Variants in CCDC25 observed in about 807,000 individuals in gnomAD.
CCDC25 encodes coiled-coil domain-containing protein 25.
A neutral mutation model predicts 35.3 loss-of-function variants in CCDC25; 16 were observed. That is an observed-to-expected ratio of 0.45 (90% CI 0.31 to 0.69). The LOEUF (loss-of-function observed/expected upper bound fraction) is 0.69, where lower values mean the gene tolerates loss of function less well. Ranked by LOEUF, CCDC25 falls within the 30% of genes least tolerant of loss-of-function variation. The pLI is 0.06. For synonymous variants in CCDC25, 79 were observed against 80.3 expected, an observed-to-expected ratio of 0.98 and a Z score of 0.09; for missense variants, 179 against 250.7, an observed-to-expected ratio of 0.71 and a Z score of 1.93.
intron 8 of CCDC25, 148 bp from the exon 9 acceptor site, chr8:27,736,393 G>A (rs1014186891): frequency 1.9e-5 from 12 of 646,918 alleles, no homozygotes; most frequent in East Asian, 8.5e-5. Context: ...TCACTTCTCC[G>A]CCTTAAGTTG....
chr8:27,765,068 G>A, intron 2 of CCDC25, 136 bp downstream of exon 2: 1 of 739,862 alleles, frequency 1.4e-6, no homozygotes, highest in South Asian at 1.7e-5. Flanking sequence ...AGCTTGTTCT[G>A]TTTCTCAAAA....
Position 27,755,693 on chromosome 8 carries a change from G to A in CCDC25, c.168+1026C>T, listed in dbSNP as rs188831455. Among the ~76,000 whole-genome samples, 417 of 152,260 alleles carry A rather than the reference G, an allele frequency of 2.7e-3. 3 individuals carry two copies. Among genetic ancestry groups the A allele is most frequent in the Non-Finnish European group, 4.7e-3 (323 of 68,018 alleles). On this transcript the variant is annotated intron_variant, in intron 4 of 8. Coordinates refer to ENST00000356537, the MANE Select transcript of CCDC25 (RefSeq NM_018246.3). ...TCAATGATAAGTCACGGTAATACAC[G>A]CACCCGATATGCTGTGACGAGACAG...
rs754907988 is a variant in CCDC25, at chr8:27,756,684, A to T, written c.168+35T>A. ...GAACAAGATATGATGCATCATCAGG[A>T]GAAAAGTCAAGAATCCATGTTTAAA... On this transcript the variant is annotated intron_variant, in intron 4 of 8. Transcript: ENST00000356537. The T allele has an allele frequency of 5.5e-6, 8 of 1,455,314 alleles. No homozygotes were observed. The African/African-American group carries it at 7.0e-5, about 13-fold the overall frequency. The allele number at this position is 1,455,314 out of a possible 1,614,324, so 90.2% of individuals were successfully genotyped here.
At chr8:27,758,687 T>C (rs1347144824) in intron 3 of CCDC25, among the ~76,000 whole-genome samples, 1 of 152,214 alleles carries the variant, frequency 6.6e-6, no homozygotes, top group African/African-American at 2.4e-5. Context: ...ATTCCAACTT[T>C]TATTTGCCTT....
intron 1 of CCDC25, chr8:27,771,878 G>A (rs1477770007): frequency 6.6e-6 from 1 of 152,288 alleles, no homozygotes; most frequent in Non-Finnish European, 1.5e-5. Flanking sequence ...ACGAAACCAA[G>A]TCGGGACACT....
At chr8:27,742,184 T>G (rs1803462427) in intron 7 of CCDC25, among the ~76,000 whole-genome samples, 1 of 152,190 alleles carries the variant, frequency 6.6e-6, no homozygotes, top group South Asian at 2.1e-4. Context: ...ATATGAACTG[T>G]AGAAACTGAA....
chr8:27,759,892 A>G (rs1201389120), intron 3 of CCDC25, among the ~76,000 whole-genome samples: 1 of 152,122 alleles, frequency 6.6e-6, no homozygotes, highest in Non-Finnish European at 1.5e-5. Context: ...AGATGCTGAC[A>G]TTCACAGAGG....
intron 3 of CCDC25, among the ~76,000 whole-genome samples, chr8:27,757,618 T>C (rs1585364082): frequency 6.6e-6 from 1 of 152,228 alleles, no homozygotes; most frequent in Non-Finnish European, 1.5e-5. Flanking sequence ...ATTTTCATGT[T>C]TTCAATTCAC....
intron 7 of CCDC25, among the ~76,000 whole-genome samples, chr8:27,745,171 A>AT (rs1394223654): frequency 2.6e-5 from 4 of 151,874 alleles, no homozygotes; most frequent in Non-Finnish European, 4.4e-5. Flanking sequence ...TAGTTATTTG[A>AT]TTTTTTGTAG....
Position 27,768,527 on chromosome 8 carries a change from T to G in CCDC25, c.29-3276A>C, listed in dbSNP as rs1418669502. The stretch of plus-strand genomic sequence containing the variant: ...TCGCAGTGAGTCGAGATCATGCCAC[T>G]GCACTCCAGCCTGGGAGACAGAGCA... On this transcript the variant is annotated intron_variant, in intron 1 of 8. Transcript: ENST00000356537. 3.5e-5 allele frequency among the ~76,000 whole-genome samples: 5 copies of G among 141,022 alleles called. No individual in the cohort carries two copies. In the Admixed American group the frequency reaches 3.8e-4, roughly 11 times the overall value. 92.5% of individuals were successfully genotyped at this position (141,022 alleles called of 152,430 possible).
chr8:27,758,327 G>C (rs149355221), intron 3 of CCDC25, among the ~76,000 whole-genome samples: 1 of 152,260 alleles, frequency 6.6e-6, no homozygotes, highest in East Asian at 1.9e-4. Context: ...ATATAAAAGT[G>C]CCCTCTTTAA....
At chr8:27,763,068 T>C (rs1020762014) in intron 2 of CCDC25, among the ~76,000 whole-genome samples, 3 of 152,192 alleles carry the variant, frequency 2.0e-5, no homozygotes, top group Non-Finnish European at 4.4e-5. Flanking sequence ...ATTCTATTAC[T>C]ACTTGACTTT....
intron 7 of CCDC25, among the ~76,000 whole-genome samples, chr8:27,743,179 G>A (rs113417092): frequency 3.3e-5 from 5 of 152,166 alleles, no homozygotes; most frequent in African/African-American, 1.2e-4. Context: ...AAATCCTAAT[G>A]TTTTACCTAG....
At chr8:27,770,313 G>C (rs1361880240) in intron 1 of CCDC25, among the ~76,000 whole-genome samples, 2 of 151,872 alleles carry the variant, frequency 1.3e-5, no homozygotes, top group African/African-American at 4.8e-5. Context: ...ATGTTGGCTG[G>C]TCCCTGTAAT....
chr8:27,738,294 C>G (rs187072), intron 8 of CCDC25, among the ~76,000 whole-genome samples: 3 of 152,098 alleles, frequency 2.0e-5, no homozygotes, highest in African/African-American at 7.2e-5. Flanking sequence ...ACACAAACAT[C>G]TGTATCCCTT....
intron 1 of CCDC25, among the ~76,000 whole-genome samples, chr8:27,766,938 A>G (rs1024142827): frequency 1.3e-5 from 2 of 148,604 alleles, no homozygotes; most frequent in African/African-American, 5.0e-5. Flanking sequence ...ATATACATAC[A>G]CATACATGTT....
intron 2 of CCDC25, among the ~76,000 whole-genome samples, chr8:27,764,973 C>T (rs1260827164): frequency 1.3e-5 from 2 of 152,200 alleles, no homozygotes; most frequent in African/African-American, 4.8e-5. Context: ...ATTTCTCCTA[C>T]TAACCCATAA....
At chr8:27,749,978 C>T (rs1320469092) in intron 5 of CCDC25, among the ~76,000 whole-genome samples, 1 of 152,160 alleles carries the variant, frequency 6.6e-6, no homozygotes, top group Non-Finnish European at 1.5e-5. Context: ...ATTCTTGCAA[C>T]TTTTCTGTAT....
intron 1 of CCDC25, among the ~76,000 whole-genome samples, chr8:27,766,089 G>A (rs990076469): frequency 3.0e-4 from 45 of 152,176 alleles, no homozygotes; most frequent in Admixed American, 2.8e-3. Context: ...TGAGTGCCAG[G>A]TTTCAAAGCT....
Sources: allele counts gnomAD v4.1 joint callset (sites outside exome capture counted in the v4.1 genomes callset), GRCh38; gene constraint gnomAD v4.1.1; transcripts MANE v1.5; gene names NCBI Gene and HGNC (gene_info 2026-07-23, HGNC 2026-07-21).